The following SEMA5A variants were observed in gnomAD, a reference collection of about 807,000 sequenced individuals.
SEMA5A encodes the protein semaphorin-5A.
In SEMA5A, 55 loss-of-function variants were observed where a neutral mutation model predicts 135.5. The observed-to-expected ratio is 0.41, with a 90% CI of 0.33 to 0.51. The LOEUF is 0.51. Among genes scored for constraint, SEMA5A ranks in the 20% least tolerant of loss-of-function variants. SEMA5A has a pLI of 0.37. For missense variants in SEMA5A, 1,290 were observed against 1,419.9 expected, an observed-to-expected ratio of 0.91 and a Z score of 1.47; for synonymous variants, 580 against 546.5, an observed-to-expected ratio of 1.06 and a Z score of -0.85.
chr5:9,492,842 G>C (rs1735091839), intron 1 of SEMA5A, among the ~76,000 whole-genome samples: 1 of 152,150 alleles, frequency 6.6e-6, no homozygotes, highest in South Asian at 2.1e-4. Context: ...TAAAAAGATT[G>C]GTGGTTGCCA....
chr5:9,383,744 G>T (rs1755713944), intron 2 of SEMA5A, among the ~76,000 whole-genome samples: 1 of 152,154 alleles, frequency 6.6e-6, no homozygotes. Flanking sequence ...GCATCATCCA[G>T]ACCTGCTTGT....
intron 21 of SEMA5A, among the ~76,000 whole-genome samples, chr5:9,045,049 T>C (rs1278345713): frequency 1.3e-5 from 2 of 152,158 alleles, no homozygotes; most frequent in African/African-American, 2.4e-5. Context: ...CCTCTCAAAG[T>C]GCTGGGATTA....
chr5:9,518,797 G>T (rs1478820722), intron 1 of SEMA5A, among the ~76,000 whole-genome samples: 1 of 152,158 alleles, frequency 6.6e-6, no homozygotes, highest in Non-Finnish European at 1.5e-5. Flanking sequence ...CAGAGGAGAT[G>T]CTGACTCAAA....
In SEMA5A at chr5:9,154,123, GTA is replaced by G. The variant is rs1742819520; in HGVS notation, c.1481+363_1481+364del. On this transcript the variant is annotated intron_variant, in intron 12 of 22. Transcript: ENST00000382496. ...TGTGTGTGTATGTGTGTGTATGTAT[GTA>G]TGTGTGTGTGTGTATATATATATAC... Among the ~76,000 whole-genome samples, 8 of 137,486 alleles carry G rather than the reference GTA, an allele frequency of 5.8e-5. No individual in the cohort carries two copies. In the South Asian group the frequency reaches 9.6e-4, roughly 17 times the overall value. The allele number at this position is 137,486 out of a possible 152,430, so 90.2% of individuals were successfully genotyped here.
chr5:9,499,931 T>G (rs1384806079), intron 1 of SEMA5A, among the ~76,000 whole-genome samples: 1 of 151,566 alleles, frequency 6.6e-6, no homozygotes, highest in Non-Finnish European at 1.5e-5. Context: ...AAGCTGGTTC[T>G]GCCCTGAAAA....
At chr5:9,391,967 A>G (rs1756179607) in intron 2 of SEMA5A, among the ~76,000 whole-genome samples, 1 of 152,040 alleles carries the variant, frequency 6.6e-6, no homozygotes, top group South Asian at 2.1e-4. Flanking sequence ...CCCGCCACAC[A>G]CATGCACACA....
At chr5:9,047,674 A>G (rs1340675456) in intron 21 of SEMA5A, among the ~76,000 whole-genome samples, 1 of 152,204 alleles carries the variant, frequency 6.6e-6, no homozygotes, top group Admixed American at 6.5e-5. Flanking sequence ...GAAGATGCCT[A>G]TGTTGTCAAA....
intron 1 of SEMA5A, among the ~76,000 whole-genome samples, chr5:9,524,856 C>A (rs924942981): frequency 6.6e-6 from 1 of 152,128 alleles, no homozygotes; most frequent in African/African-American, 2.4e-5. Context: ...GAGTGAGGGT[C>A]CTGCCTCACA....
At chr5:9,244,577 A>G (rs1748385529) in intron 5 of SEMA5A, among the ~76,000 whole-genome samples, 1 of 152,220 alleles carries the variant, frequency 6.6e-6, no homozygotes, top group Non-Finnish European at 1.5e-5. Context: ...CTTTCTCACT[A>G]GAAAGCAAAC....
chr5:9,463,514 G>A (rs1759136850), intron 1 of SEMA5A, among the ~76,000 whole-genome samples: 1 of 151,992 alleles, frequency 6.6e-6, no homozygotes, highest in Admixed American at 6.6e-5. Context: ...TTTATTCTGA[G>A]CCTGAGTAAA....
chr5:9,329,145 G>A (rs773370408), intron 4 of SEMA5A, among the ~76,000 whole-genome samples: 12 of 152,046 alleles, frequency 7.9e-5, no homozygotes, highest in Non-Finnish European at 1.3e-4. Flanking sequence ...TCTTCAGATC[G>A]ATGCACCATC....
intron 5 of SEMA5A, among the ~76,000 whole-genome samples, chr5:9,286,907 G>C (rs777692905): frequency 1.5e-4 from 23 of 152,226 alleles, no homozygotes; most frequent in Non-Finnish European, 3.1e-4. Context: ...CTGCACCTTG[G>C]ACCAGAACTG....
chr5:9,353,274 G>T (rs1579397886), intron 3 of SEMA5A, among the ~76,000 whole-genome samples: 1 of 137,272 alleles, frequency 7.3e-6, no homozygotes, highest in African/African-American at 2.8e-5. Flanking sequence ...GCAAAGGAAA[G>T]GAAAGGAAAG....
chr5:9,333,967 T>G (rs1753270116), intron 4 of SEMA5A, among the ~76,000 whole-genome samples: 1 of 152,034 alleles, frequency 6.6e-6, no homozygotes, highest in Non-Finnish European at 1.5e-5. Flanking sequence ...ATACGAAAGT[T>G]CATGTGCATC....
intron 3 of SEMA5A, among the ~76,000 whole-genome samples, chr5:9,341,205 T>TACACACACAC (rs113319079): frequency 7.0e-4 from 101 of 144,616 alleles, no homozygotes; most frequent in African/African-American, 2.4e-3. Flanking sequence ...CACACACACA[T>TACACACACAC]ACACACACAC....
chr5:9,356,095 T>G lies in SEMA5A; in HGVS notation c.125-18283A>C, dbSNP rs1309811703. Among the ~76,000 whole-genome samples the G allele has an allele frequency of 2.6e-5, 4 of 152,202 alleles. No homozygotes were observed. In the South Asian group the frequency reaches 8.3e-4, roughly 31 times the overall value. Reference sequence around the variant, plus strand: ...ATAAATTGGAACCTGCTCCTTCCCTTCAATTCTTTCCCCAGAAGTGAGAGC... The same window carrying G: ...ATAAATTGGAACCTGCTCCTTCCCTGCAATTCTTTCCCCAGAAGTGAGAGC... On this transcript the variant is annotated intron_variant, in intron 3 of 22. Transcript: ENST00000382496.
chr5:9,172,391 A>C (rs932744122), intron 11 of SEMA5A, among the ~76,000 whole-genome samples: 67 of 152,292 alleles, frequency 4.4e-4, no homozygotes, highest in South Asian at 2.1e-4. Context: ...TATTTTTTTC[A>C]CTATGAATCA....
At chr5:9,202,573 T>C (rs997665580) in intron 8 of SEMA5A, among the ~76,000 whole-genome samples, 2 of 152,232 alleles carry the variant, frequency 1.3e-5, no homozygotes, top group Non-Finnish European at 1.5e-5. Flanking sequence ...TGTATTACTT[T>C]ATTTGCAAAT....
intron 1 of SEMA5A, among the ~76,000 whole-genome samples, chr5:9,456,916 C>G (rs937990635): frequency 6.6e-6 from 1 of 152,180 alleles, no homozygotes; most frequent in Non-Finnish European, 1.5e-5. Context: ...CCTGCTCGCA[C>G]TTTTCTACAG....
Sources: gnomAD v4.1 joint callset for allele counts (sites outside exome capture counted in the v4.1 genomes callset) on GRCh38, gnomAD v4.1.1 for gene constraint, MANE v1.5 for transcripts, NCBI Gene and HGNC (gene_info 2026-07-23, HGNC 2026-07-21) for gene names.